The following NRXN3 variants were observed in gnomAD, a reference collection of about 807,000 sequenced individuals.
NRXN3 encodes the protein neurexin III.
Under a neutral mutation model 137.6 loss-of-function variants are expected in NRXN3, and 32 were observed. That is an observed-to-expected ratio of 0.23 (90% CI 0.18 to 0.31). NRXN3 has a LOEUF of 0.31. NRXN3 is among the 10% of genes least tolerant of loss of function. The pLI is 1.00. For missense variants in NRXN3, 1,574 were observed against 2,062.5 expected (o/e 0.76, Z 4.59); for synonymous variants, 798 against 784.5 (o/e 1.02, Z -0.29).
chr14:78,968,413 T>TGCCACTGCCTCC, intron 14 of NRXN3, 67 bp downstream of exon 14: 1 of 1,455,208 alleles, frequency 6.9e-7, no homozygotes, highest in South Asian at 1.3e-5. Context: ...TTGCTGCCTC[T>TGCCACTGCCTCC]GCCACTGCCT....
intron 15 of NRXN3, among the ~76,000 whole-genome samples, chr14:79,197,558 T>TC (rs1298667906): frequency 6.6e-6 from 1 of 151,946 alleles, no homozygotes; most frequent in Non-Finnish European, 1.5e-5. Flanking sequence ...GTAATTTCTT[T>TC]TTTTTTTTAA....
At chr14:78,590,655 T>C (rs1462406493) in intron 4 of NRXN3, among the ~76,000 whole-genome samples, 1 of 152,226 alleles carries the variant, frequency 6.6e-6, no homozygotes, top group Non-Finnish European at 1.5e-5. Flanking sequence ...GGCTCATGCC[T>C]GTAATCCCAG....
chr14:78,472,268 A>T (rs2095289811), intron 4 of NRXN3, among the ~76,000 whole-genome samples: 1 of 152,116 alleles, frequency 6.6e-6, no homozygotes, highest in Non-Finnish European at 1.5e-5. Flanking sequence ...GGAAAATGTG[A>T]TATCCTGGGG....
chr14:79,696,395 G>C (rs553463390), intron 18 of NRXN3, among the ~76,000 whole-genome samples: 2 of 151,826 alleles, frequency 1.3e-5, no homozygotes, highest in South Asian at 4.1e-4. Context: ...TGAGTGGAGC[G>C]TTGTTTGATC....
intron 4 of NRXN3, among the ~76,000 whole-genome samples, chr14:78,568,532 G>A (rs923127688): frequency 6.6e-6 from 1 of 152,162 alleles, no homozygotes; most frequent in African/African-American, 2.4e-5. Flanking sequence ...GGTATACCAG[G>A]TATCCCAGAC....
intron 15 of NRXN3, among the ~76,000 whole-genome samples, chr14:79,240,806 A>T (rs1370560498): frequency 6.6e-6 from 1 of 152,184 alleles, no homozygotes; most frequent in Non-Finnish European, 1.5e-5. Context: ...CAATGCACAG[A>T]AATCTCTGCT....
rs188895516 is a variant in NRXN3 at position 78,796,532 on chromosome 14, G to A, written c.2045-7088G>A. ...GCTTATAGGGAGCAGGCAGCTCTAT[G>A]ATACCAGCAGCAATGAGCAAACTGG... On this transcript the variant is annotated intron_variant, in intron 8 of 20. Coordinates refer to ENST00000335750, the MANE Select transcript of NRXN3 (RefSeq NM_001330195.2). 3.7e-4 allele frequency among the ~76,000 whole-genome samples: 56 copies of A among 152,290 alleles called. No individual in the cohort carries two copies. The East Asian group carries it at 9.3e-3, about 25-fold the overall frequency.
chr14:78,323,133 G>T (rs543376832), intron 4 of NRXN3, among the ~76,000 whole-genome samples: 21 of 152,174 alleles, frequency 1.4e-4, no homozygotes, highest in Admixed American at 1.1e-3. Flanking sequence ...AATAGGAAAA[G>T]AACTTGAAGA....
rs1454117558 is a variant in NRXN3, at chr14:78,326,929, A to G, written c.757+29069A>G. On this transcript the variant is annotated intron_variant, in intron 4 of 20. Transcript: ENST00000335750. ...CTGTGTTGCCTTGAGTGAGTTACAA[A>G]AAAAAAAAAAAAAATCTCTCTGTTC... Among the ~76,000 whole-genome samples the G allele has an allele frequency of 2.0e-5, 3 of 149,070 alleles. No homozygotes were observed. The South Asian group carries it at 6.3e-4, about 31-fold the overall frequency.
chr14:79,399,134 T>C (rs1314952213), intron 15 of NRXN3, among the ~76,000 whole-genome samples: 1 of 151,956 alleles, frequency 6.6e-6, no homozygotes, highest in Non-Finnish European at 1.5e-5. Context: ...CTCAGGGTTC[T>C]AAAATGTATC....
At chr14:79,759,062 A>T (rs2099029675) in intron 19 of NRXN3, among the ~76,000 whole-genome samples, 1 of 152,224 alleles carries the variant, frequency 6.6e-6, no homozygotes, top group Non-Finnish European at 1.5e-5. Flanking sequence ...TGGGAGACAA[A>T]GTTGGTGATA....
intron 19 of NRXN3, among the ~76,000 whole-genome samples, chr14:79,698,335 A>G (rs1332398873): frequency 1.3e-5 from 2 of 152,016 alleles, no homozygotes; most frequent in Non-Finnish European, 2.9e-5. Flanking sequence ...CACATTCTCC[A>G]GATGGCTTTG....
At chr14:79,141,072 TCTTA>T (rs2058744014) in intron 15 of NRXN3, among the ~76,000 whole-genome samples, 1 of 152,338 alleles carries the variant, frequency 6.6e-6, no homozygotes, top group East Asian at 1.9e-4. Context: ...GGTGTAGCAG[TCTTA>T]CTTATCAAAT....
At chr14:79,626,868 A>G (rs978211644) in intron 16 of NRXN3, among the ~76,000 whole-genome samples, 1 of 152,212 alleles carries the variant, frequency 6.6e-6, no homozygotes, top group African/African-American at 2.4e-5. Context: ...ATAGAAATAA[A>G]TAAAGAAAGG....
chr14:79,351,391 T>C (rs1354577180), intron 15 of NRXN3, among the ~76,000 whole-genome samples: 4 of 152,212 alleles, frequency 2.6e-5, no homozygotes, highest in Non-Finnish European at 5.9e-5. Flanking sequence ...AACTACTGTC[T>C]AAAGATCTCT....
chr14:78,336,656 C>T (rs1434916030), intron 4 of NRXN3, among the ~76,000 whole-genome samples: 2 of 152,234 alleles, frequency 1.3e-5, no homozygotes, highest in East Asian at 1.9e-4. Flanking sequence ...GTAAGTGCCT[C>T]TAGAGGTTGA....
At chr14:78,349,629 A>T (rs1057356028) in intron 4 of NRXN3, among the ~76,000 whole-genome samples, 2 of 152,162 alleles carry the variant, frequency 1.3e-5, no homozygotes, top group African/African-American at 4.8e-5. Flanking sequence ...TTCATGTCTT[A>T]GTATTATTTC....
intron 6 of NRXN3, among the ~76,000 whole-genome samples, chr14:78,661,582 T>C (rs1400787763): frequency 6.6e-6 from 1 of 152,198 alleles, no homozygotes; most frequent in African/African-American, 2.4e-5. Flanking sequence ...TGGTAGAAAT[T>C]GTGCATCTGT....
At chr14:79,725,958 TAAA>T (rs2098885845) in intron 19 of NRXN3, among the ~76,000 whole-genome samples, 1 of 152,094 alleles carries the variant, frequency 6.6e-6, no homozygotes. Context: ...TAGAAGCACT[TAAA>T]GAAGCTGTCA....
Sources: gnomAD v4.1 joint callset for allele counts (sites outside exome capture counted in the v4.1 genomes callset) on GRCh38, gnomAD v4.1.1 for gene constraint, MANE v1.5 for transcripts, NCBI Gene and HGNC (gene_info 2026-07-23, HGNC 2026-07-21) for gene names.